OXCT1: variants seen among roughly 807,000 people sequenced by gnomAD.
The protein encoded by OXCT1 is succinyl-CoA:3-ketoacid coenzyme A transferase 1, mitochondrial.
A neutral mutation model predicts 69.6 loss-of-function variants in OXCT1; 27 were observed. The ratio of observed to expected loss-of-function variants is 0.39; its 90% CI spans 0.29 to 0.54. The LOEUF (loss-of-function observed/expected upper bound fraction) is 0.54. Among genes scored for constraint, OXCT1 ranks in the 20% least tolerant of loss-of-function variants. The probability of loss-of-function intolerance (pLI) is 0.72; values close to 1 mark genes in which losing one functional copy is unlikely to be tolerated. For missense variants in OXCT1, 437 were observed against 650.2 expected (o/e 0.67, Z 3.57); for synonymous variants, 202 against 217.8 (o/e 0.93, Z 0.64).
intron 13 of OXCT1, among the ~76,000 whole-genome samples, chr5:41,784,244 C>A (rs1745546056): frequency 6.6e-6 from 1 of 152,030 alleles, no homozygotes; most frequent in Non-Finnish European, 1.5e-5. Flanking sequence ...TTATAAAAAA[C>A]AAAATGGGTA....
intron 5 of OXCT1, among the ~76,000 whole-genome samples, chr5:41,849,330 C>A (rs181755589): frequency 6.6e-6 from 1 of 152,284 alleles, no homozygotes; most frequent in Admixed American, 6.5e-5. Context: ...TAACTTTCTT[C>A]GGCCATTTGG....
At chr5:41,859,174 C>G (rs1048356304) in intron 3 of OXCT1, among the ~76,000 whole-genome samples, 1 of 152,188 alleles carries the variant, frequency 6.6e-6, no homozygotes, top group Admixed American at 6.6e-5. Context: ...AGATAGATTG[C>G]TGCAGTCTTT....
At chr5:41,853,340 T>C (rs745894561) in intron 4 of OXCT1, 79 bp downstream of exon 4, 10 of 1,357,910 alleles carry the variant, frequency 7.4e-6, no homozygotes, top group Non-Finnish European at 1.0e-5. Context: ...TTACCTCTTT[T>C]GCACAAAGAA....
At chr5:41,811,015 A>G (rs34500930) in intron 7 of OXCT1, among the ~76,000 whole-genome samples, 27,916 of 151,342 alleles carry the variant, frequency 0.18, 2,764 homozygotes, top group Middle Eastern at 0.29. Context: ...CAAAAAGAAA[A>G]GAAAAAAAAC....
chr5:41,845,654 G>C (rs1047095121), intron 5 of OXCT1, among the ~76,000 whole-genome samples: 3 of 152,042 alleles, frequency 2.0e-5, no homozygotes, highest in Non-Finnish European at 4.4e-5. Flanking sequence ...ACGAGTTTGA[G>C]GCACCTGATT....
At chr5:41,844,665 G>T (rs931273601) in intron 5 of OXCT1, among the ~76,000 whole-genome samples, 1 of 151,924 alleles carries the variant, frequency 6.6e-6, no homozygotes, top group African/African-American at 2.4e-5. Flanking sequence ...CCTCCTCTTG[G>T]AGTCTAATGA....
At chr5:41,794,581 A>G in intron 12 of OXCT1, 96 bp downstream of exon 12, 3 of 1,099,732 alleles carry the variant, frequency 2.7e-6, no homozygotes, top group Non-Finnish European at 4.1e-6. Flanking sequence ...CTGGCTGGGA[A>G]ATGTGGCTGT....
At chr5:41,865,679 T>G (rs766178813) in intron 1 of OXCT1, among the ~76,000 whole-genome samples, 2 of 152,162 alleles carry the variant, frequency 1.3e-5, no homozygotes, top group Non-Finnish European at 2.9e-5. Flanking sequence ...TCTGCCACAG[T>G]TGTATGAATC....
intron 14 of OXCT1, among the ~76,000 whole-genome samples, chr5:41,755,320 G>A (rs1056787608): frequency 6.6e-6 from 1 of 151,878 alleles, no homozygotes; most frequent in Non-Finnish European, 1.5e-5. Flanking sequence ...TCATAAAGGA[G>A]AAATAAAAAG....
chr5:41,779,865 C>T (rs1745310302), intron 13 of OXCT1, among the ~76,000 whole-genome samples: 1 of 151,894 alleles, frequency 6.6e-6, no homozygotes, highest in Admixed American at 6.6e-5. Flanking sequence ...AAATTACAAG[C>T]TACCCAGAAA....
At chr5:41,750,135 G>GTTTTTTTTTTTTTTTTTTTTTTTT (rs11291155) in intron 14 of OXCT1, among the ~76,000 whole-genome samples, 14 of 73,922 alleles carry the variant, frequency 1.9e-4, no homozygotes, top group South Asian at 5.3e-4. Context: ...GTGTTTTTTG[G>GTTTTTTTTTTTTTTTTTTTTTTTT]TTTTTTTTTT....
Position 41,731,787 on chromosome 5 carries a change from A to G in OXCT1, c.1522-17T>C. The G allele has an allele frequency of 6.2e-7, 1 of 1,604,074 alleles. No homozygotes were observed. Among genetic ancestry groups the G allele is most frequent in the East Asian group, 2.2e-5 (1 of 44,734 alleles). On this transcript the variant is annotated splice_polypyrimidine_tract_variant and intron_variant, in intron 16 of 16. Transcript: ENST00000196371. ...TGGTGAAACCTGGTAAAAGAGGAAAAAAAAATCAAATTATGAAAAACTGCA... is the reference window on the plus strand; with the variant it reads ...TGGTGAAACCTGGTAAAAGAGGAAAGAAAAATCAAATTATGAAAAACTGCA...
Position 41,845,047 on chromosome 5 carries a change from C to T in OXCT1, c.565-2266G>A, listed in dbSNP as rs1414462424. The stretch of plus-strand genomic sequence containing the variant: ...CCCTTATTCAAAACTCCATAGGCTT[C>T]CCACTGCGTTCCGTAAAATTCAAAC... On this transcript the variant is annotated intron_variant, in intron 5 of 16. Transcript: ENST00000196371. Among the ~76,000 whole-genome samples the T allele has an allele frequency of 3.3e-5, 5 of 152,108 alleles. No homozygotes were observed. The East Asian group carries it at 7.7e-4, about 23-fold the overall frequency.
chr5:41,785,828 C>T (rs1363415399), intron 13 of OXCT1, among the ~76,000 whole-genome samples: 2 of 152,192 alleles, frequency 1.3e-5, no homozygotes, highest in African/African-American at 4.8e-5. Flanking sequence ...ATTCTAACTA[C>T]CCCTACATTT....
rs76423239 is a variant in OXCT1, at chr5:41,794,307, G to A, written c.1173-229C>T. ...TTGTTTCAATAACAAACTATGAACA[G>A]GTGTACACAGGAAGACTGTTTCCTT... On this transcript the variant is annotated intron_variant, in intron 12 of 16. Transcript: ENST00000196371. 795 of 604,684 alleles carry A rather than the reference G, an allele frequency of 1.3e-3. 4 individuals are homozygous for A. In the African/African-American group the frequency reaches 0.014, roughly 10 times the overall value. The allele number at this position is 604,684 out of a possible 1,614,324, so 37.5% of individuals were successfully genotyped here.
intron 13 of OXCT1, among the ~76,000 whole-genome samples, chr5:41,768,024 G>A (rs887100190): frequency 2.6e-5 from 4 of 151,956 alleles, no homozygotes; most frequent in Non-Finnish European, 4.4e-5. Flanking sequence ...TGTCTCTGAT[G>A]AGTCCTAAAA....
rs758582690 is a variant in OXCT1, at chr5:41,794,002, C to T, written c.1248+1G>A. ...ATTCAGAATAAAAAATGTCTACTTA[C>T]AGGTATCATCCAGTTAGCCAGGTCA... On this transcript the variant is annotated splice_donor_variant, in intron 13 of 16. Coordinates refer to ENST00000196371, the MANE Select transcript of OXCT1 (RefSeq NM_000436.4). LOFTEE classifies it high-confidence loss of function. 1 of 1,581,794 alleles carries T rather than the reference C, an allele frequency of 6.3e-7. No homozygotes were observed. The highest frequency in any genetic ancestry group is 8.7e-7 in the Non-Finnish European group (1 of 1,150,628).
intron 15 of OXCT1, among the ~76,000 whole-genome samples, chr5:41,746,685 A>G (rs1395421666): frequency 2.0e-5 from 3 of 152,030 alleles, no homozygotes; most frequent in Non-Finnish European, 4.4e-5. Context: ...TTCTCTTTTG[A>G]GCTCTAGATC....
chr5:41,740,796 C>G (rs1743124580), intron 15 of OXCT1, among the ~76,000 whole-genome samples: 1 of 152,170 alleles, frequency 6.6e-6, no homozygotes, highest in Non-Finnish European at 1.5e-5. Flanking sequence ...GGCTTTAGCT[C>G]CATGCTATAG....
Sources: allele counts gnomAD v4.1 joint callset (sites outside exome capture counted in the v4.1 genomes callset), GRCh38; gene constraint gnomAD v4.1.1; transcripts MANE v1.5; gene names NCBI Gene and HGNC (gene_info 2026-07-23, HGNC 2026-07-21).